LRPPRC: variants seen among roughly 807,000 people sequenced by gnomAD.
LRPPRC encodes the protein leucine-rich PPR motif-containing protein, mitochondrial.
In LRPPRC, 120 loss-of-function variants were observed where a neutral mutation model predicts 180.3. The ratio of observed to expected loss-of-function variants is 0.67; its 90% confidence interval spans 0.57 to 0.77. The LOEUF is 0.77. Ranked by LOEUF, LRPPRC falls within the 30% of genes least tolerant of loss-of-function variation. The pLI is 0.00. For missense variants in LRPPRC, 2,012 were observed against 1,657.2 expected (o/e 1.21, Z -3.72); for synonymous variants, 723 against 600.0 (o/e 1.21, Z -3.00).
chr2:43,974,147 T>A lies in LRPPRC; in HGVS notation c.1155+3A>T. ...GTCTACAAAGTAAAAGTGGACAGAA[T>A]ACCGTATTCATAGTCACACAGTGTT... On this transcript the variant is annotated splice_donor_region_variant and intron_variant, in intron 9 of 37. Coordinates refer to ENST00000260665, the MANE Select transcript of LRPPRC (RefSeq NM_133259.4). 1.2e-6 allele frequency: 2 copies of A among 1,613,310 alleles called. No individual in the cohort carries two copies. Among genetic ancestry groups the A allele is most frequent in the East Asian group, 4.5e-5 (2 of 44,880 alleles).
intron 30 of LRPPRC, among the ~76,000 whole-genome samples, chr2:43,906,329 A>G (rs1447510062): frequency 6.6e-6 from 1 of 152,244 alleles, no homozygotes; most frequent in Non-Finnish European, 1.5e-5. Flanking sequence ...AACTCAAACT[A>G]TTGGTACTTT....
intron 11 of LRPPRC, among the ~76,000 whole-genome samples, chr2:43,972,915 C>T (rs901797565): frequency 1.3e-5 from 2 of 152,138 alleles, no homozygotes; most frequent in Non-Finnish European, 2.9e-5. Context: ...CTGTTAAAAG[C>T]ATCTTTTTAT....
In LRPPRC at chr2:43,989,071, C is replaced by G. The variant is rs573968748; in HGVS notation, c.150-6637G>C. On this transcript the variant is annotated intron_variant, in intron 1 of 37. Transcript: ENST00000260665. ...TTTTTTTCTAGAGACAGGAGTCTCA[C>G]TATGTTGCCCAGGCTGGTCTTGAAC... Among the ~76,000 whole-genome samples the G allele has an allele frequency of 2.0e-5, 3 of 152,192 alleles. No individual in the cohort carries two copies. In the South Asian group the frequency reaches 6.2e-4, roughly 32 times the overall value.
rs558226506 is a variant in LRPPRC at position 43,936,023 on chromosome 2, C to CA, written c.2505-1146dup. Among the ~76,000 whole-genome samples the CA allele has an allele frequency of 7.9e-5, 12 of 151,762 alleles. No individual in the cohort carries two copies. The East Asian group carries it at 2.3e-3, about 30-fold the overall frequency. On this transcript the variant is annotated intron_variant, in intron 23 of 37. Coordinates refer to ENST00000260665, the MANE Select transcript of LRPPRC (RefSeq NM_133259.4). ...CCTTGAACCCGGGAGGTGGAGGTTG[C>CA]AGTGAGCTGAGATCGTGCCATTGCA...
intron 23 of LRPPRC, among the ~76,000 whole-genome samples, chr2:43,936,775 T>C (rs1427228680): frequency 6.6e-6 from 1 of 152,174 alleles, no homozygotes; most frequent in African/African-American, 2.4e-5. Flanking sequence ...ATTTTTGTCA[T>C]TTGGGGTGAA....
Position 43,948,146 on chromosome 2 carries a change from G to C in LRPPRC, c.1896C>G (p.Ser632Arg). 6.2e-7 allele frequency: 1 copy of C among 1,604,526 alleles called. No individual in the cohort carries two copies. Among genetic ancestry groups the C allele is most frequent in the Non-Finnish European group, 8.5e-7 (1 of 1,171,542 alleles). Residue 632 changes from serine to arginine, a missense_variant, in exon 18 of 38, where the codon AGC becomes AGG. Transcript: ENST00000260665. Reference protein sequence around the residue: ...IYRGIRNLLESYHVPELIKDA... With the variant: ...IYRGIRNLLERYHVPELIKDA... ...CCTTAATCAATTCAGGAACATGGTA[G>C]CTTTCCAGGAGATTACGAATGCCTC...
intron 6 of LRPPRC, among the ~76,000 whole-genome samples, 174 bp from the exon 7 acceptor site, chr2:43,975,391 T>C (rs577267915): frequency 2.0e-5 from 3 of 152,118 alleles, no homozygotes; most frequent in Non-Finnish European, 2.9e-5. Context: ...ATAATAAAGA[T>C]CATAAACATC....
At chr2:43,949,693 G>A (rs761846018) in intron 15 of LRPPRC, 34 bp from the exon 16 acceptor site, 9 of 1,415,908 alleles carry the variant, frequency 6.4e-6, no homozygotes, top group Non-Finnish European at 9.0e-6. Context: ...ATTGCAGCAA[G>A]AGAAGCAAAC....
chr2:43,941,260 TAA>T (rs1189666783), intron 23 of LRPPRC, among the ~76,000 whole-genome samples: 2 of 152,188 alleles, frequency 1.3e-5, no homozygotes, highest in East Asian at 1.9e-4. Context: ...CACTGAAACT[TAA>T]AGAGATTATC....
chr2:43,935,015 C>A, intron 23 of LRPPRC, 137 bp from the exon 24 acceptor site: 1 of 625,974 alleles, frequency 1.6e-6, no homozygotes, highest in Non-Finnish European at 2.7e-6. Flanking sequence ...AACCACAAAG[C>A]TAAAATGGGG....
Position 43,968,099 on chromosome 2 carries a change from C to CA in LRPPRC, c.1370-4394dup, listed in dbSNP as rs113614649. 9.6e-4 allele frequency among the ~76,000 whole-genome samples: 135 copies of CA among 139,938 alleles called. 1 individual carries two copies. The East Asian group carries it at 0.012, about 12-fold the overall frequency. 91.8% of individuals were successfully genotyped at this position (139,938 alleles called of 152,430 possible). Reference sequence around the variant, plus strand: ...CTGGTGAGATACTCTGGTGAAATGACAAAAAAAAAAAGGCTTTGGACTTTA... The same window carrying CA: ...CTGGTGAGATACTCTGGTGAAATGACAAAAAAAAAAAAGGCTTTGGACTTTA... On this transcript the variant is annotated intron_variant, in intron 11 of 37. Coordinates refer to ENST00000260665, the MANE Select transcript of LRPPRC (RefSeq NM_133259.4).
At chr2:43,990,905 G>C (rs538849262) in intron 1 of LRPPRC, among the ~76,000 whole-genome samples, 1 of 151,472 alleles carries the variant, frequency 6.6e-6, no homozygotes, top group South Asian at 2.1e-4. Context: ...GAGTGCAATG[G>C]CGTGATCTCG....
In LRPPRC at chr2:43,979,826, C is replaced by T; in HGVS notation, c.469G>A (p.Gly157Ser). ...ACATCATATATTTAAACAATCATAC[C>T]TAATTTCTGAAGTGTGTCCCATATC... ...HRIWDTLQKLGAVYDVSHYNA... is the reference protein window; with the variant it reads ...HRIWDTLQKLSAVYDVSHYNA... The change falls in exon 3 of 38, where the codon GGT becomes AGT. Residue 157 changes from glycine to serine, a missense_variant and splice_region_variant. Gly to Ser is a moderately conservative substitution (Grantham distance 56, BLOSUM62 0). Coordinates refer to ENST00000260665, the MANE Select transcript of LRPPRC (RefSeq NM_133259.4). The T allele has an allele frequency of 6.2e-7, 1 of 1,612,908 alleles. No individual in the cohort carries two copies. Among genetic ancestry groups the T allele is most frequent in the Non-Finnish European group, 8.5e-7 (1 of 1,179,046 alleles).
intron 9 of LRPPRC, 73 bp from the exon 10 acceptor site, chr2:43,973,973 C>T (rs1433394368): frequency 7.1e-6 from 8 of 1,131,224 alleles, no homozygotes; most frequent in Non-Finnish European, 1.1e-5. Context: ...AAATATTCTA[C>T]CACTTCTGAG....
intron 14 of LRPPRC, among the ~76,000 whole-genome samples, chr2:43,953,296 TC>T (rs1335583211): frequency 6.6e-6 from 1 of 152,200 alleles, no homozygotes. Flanking sequence ...AGGCACATAT[TC>T]TTATGAAAAA....
rs576561666 is a variant in LRPPRC at position 43,966,560 on chromosome 2, G to A, written c.1370-2854C>T. Reference sequence around the variant, plus strand: ...TGAGTAGCTGGGACTACAGGCGCACGCCACCACGCCGAGTAATTTTTGTAT... The same window carrying A: ...TGAGTAGCTGGGACTACAGGCGCACACCACCACGCCGAGTAATTTTTGTAT... On this transcript the variant is annotated intron_variant, in intron 11 of 37. Coordinates refer to ENST00000260665, the MANE Select transcript of LRPPRC (RefSeq NM_133259.4). Among the ~76,000 whole-genome samples, 6 of 151,722 alleles carry A rather than the reference G, an allele frequency of 4.0e-5. No individual in the cohort carries two copies. In the East Asian group the frequency reaches 7.9e-4, roughly 20 times the overall value.
intron 13 of LRPPRC, among the ~76,000 whole-genome samples, chr2:43,958,660 G>C (rs62135103): frequency 3.3e-5 from 5 of 152,060 alleles, no homozygotes; most frequent in African/African-American, 1.2e-4. Flanking sequence ...GATCAAATTA[G>C]TTTTCCATGC....
At chr2:43,893,017 G>C (rs1353293962) in intron 36 of LRPPRC, among the ~76,000 whole-genome samples, 2 of 152,192 alleles carry the variant, frequency 1.3e-5, no homozygotes, top group African/African-American at 4.8e-5. Flanking sequence ...TGAACCCCTT[G>C]AGGGTCTCAA....
chr2:43,948,541 G>A (rs372308919), intron 16 of LRPPRC, 23 bp from the exon 17 acceptor site: 18 of 1,155,068 alleles, frequency 1.6e-5, no homozygotes, highest in Non-Finnish European at 2.2e-5. Context: ...ACAAGAGAAA[G>A]CATTCCACTA....
Sources: gnomAD v4.1 joint callset for allele counts (sites outside exome capture counted in the v4.1 genomes callset) on GRCh38, gnomAD v4.1.1 for gene constraint, MANE v1.5 for transcripts, NCBI Gene and HGNC (gene_info 2026-07-23, HGNC 2026-07-21) for gene names.